The following RFTN2 variants were observed in gnomAD, a reference collection of about 807,000 sequenced individuals.
RFTN2 encodes raftlin family member 2.
RFTN2 carries 34 observed loss-of-function variants against 52.7 expected under a neutral mutation model. The observed-to-expected ratio is 0.64, with a 90% confidence interval of 0.49 to 0.86. The LOEUF (loss-of-function observed/expected upper bound fraction) is 0.86. RFTN2 is among the 40% of genes least tolerant of loss of function. The pLI, the probability that RFTN2 is intolerant of heterozygous loss-of-function variation, is 0.00. For synonymous variants in RFTN2, 203 were observed against 217.7 expected (o/e 0.93, Z 0.59); for missense variants, 536 against 600.1 (o/e 0.89, Z 1.12).
intron 1 of RFTN2, among the ~76,000 whole-genome samples, chr2:197,665,770 G>T (rs2089047699): frequency 6.8e-6 from 1 of 147,456 alleles, no homozygotes. Context: ...TACATTCAAG[G>T]TTATTACTGA....
rs548213229 is a variant in RFTN2, at chr2:197,657,520, C to G, written c.140-10854G>C. On this transcript the variant is annotated intron_variant, in intron 1 of 8. Transcript: ENST00000295049. ...AATTCCTCACTCTATAGGCACAGCT[C>G]TCCCCTTCTTCACATCTCTAAACTG... 3.9e-5 allele frequency among the ~76,000 whole-genome samples: 6 copies of G among 152,318 alleles called. No individual in the cohort carries two copies. The South Asian group carries it at 1.2e-3, about 32-fold the overall frequency.
chr2:197,649,327 C>T (rs984508185), intron 1 of RFTN2, among the ~76,000 whole-genome samples: 6 of 152,014 alleles, frequency 3.9e-5, no homozygotes, highest in African/African-American at 1.2e-4. Context: ...AAGGCTTCAC[C>T]ACATGTTCCT....
intron 8 of RFTN2, among the ~76,000 whole-genome samples, chr2:197,578,721 C>T (rs1430276148): frequency 5.3e-5 from 8 of 152,300 alleles, no homozygotes; most frequent in Admixed American, 2.6e-4. Flanking sequence ...GATTAAAAAG[C>T]TTTATTGCTC....
intron 8 of RFTN2, among the ~76,000 whole-genome samples, chr2:197,574,866 C>A (rs1384633123): frequency 6.4e-5 from 8 of 124,588 alleles, no homozygotes; most frequent in Non-Finnish European, 1.2e-4. Flanking sequence ...AAGACTCCAT[C>A]TCAAAAACAA....
In RFTN2 at chr2:197,646,660, G is replaced by A. The variant is rs968064680; in HGVS notation, c.146C>T (p.Ser49Leu). ...ATTTATCTTGATGACTTCTGGGTTTGATGAAGCTGAAATATCAAAAGCAAA... is the reference window on the plus strand; with the variant it reads ...ATTTATCTTGATGACTTCTGGGTTTAATGAAGCTGAAATATCAAAAGCAAA... ...VLLDFTLQAS[S>L]NPEVIKINSI... Residue 49 changes from serine to leucine, a missense_variant, in exon 2 of 9, where the codon TCA becomes TTA. Ser to Leu is a moderately radical substitution (Grantham distance 145). Coordinates refer to ENST00000295049, the MANE Select transcript of RFTN2 (RefSeq NM_144629.3). 1.2e-6 allele frequency: 2 copies of A among 1,608,742 alleles called. No homozygotes were observed. Among genetic ancestry groups the A allele is most frequent in the Non-Finnish European group, 1.7e-6 (2 of 1,176,642 alleles).
At chr2:197,629,676 A>ACACACACACACACC in intron 5 of RFTN2, among the ~76,000 whole-genome samples, 1 of 15,010 alleles carries the variant, frequency 6.7e-5, no homozygotes, top group East Asian at 7.3e-4. Flanking sequence ...TAATTTTTAT[A>ACACACACACACACC]CACACACACA....
chr2:197,588,006 ACT>A (rs2087629094), intron 8 of RFTN2: 2 of 470,732 alleles, frequency 4.2e-6, no homozygotes, highest in South Asian at 3.1e-5. Flanking sequence ...TTCTTTTCAC[ACT>A]GTCTTACCCA....
chr2:197,625,491 A>G (rs114265096), intron 5 of RFTN2, among the ~76,000 whole-genome samples: 1,927 of 152,222 alleles, frequency 0.013, 36 homozygotes, highest in African/African-American at 0.044. Context: ...TCTTTGAAGT[A>G]GAGGGCAGGC....
intron 1 of RFTN2, among the ~76,000 whole-genome samples, chr2:197,664,049 C>T (rs1230680545): frequency 6.6e-6 from 1 of 152,092 alleles, no homozygotes; most frequent in Non-Finnish European, 1.5e-5. Flanking sequence ...TCTTCATTAA[C>T]CCAATAGTCA....
intron 3 of RFTN2, among the ~76,000 whole-genome samples, chr2:197,641,503 G>T (rs553840317): frequency 6.6e-6 from 1 of 152,304 alleles, no homozygotes; most frequent in South Asian, 2.1e-4. Flanking sequence ...TAGTTGATTT[G>T]AGTGAAAAGA....
chr2:197,622,525 C>CG (rs897873252), intron 5 of RFTN2, among the ~76,000 whole-genome samples: 29 of 152,128 alleles, frequency 1.9e-4, no homozygotes, highest in Non-Finnish European at 7.3e-5. Context: ...AGGCTGATCT[C>CG]GAACTCCTGA....
At chr2:197,598,792 A>G (rs1175719920) in intron 7 of RFTN2, among the ~76,000 whole-genome samples, 3 of 152,158 alleles carry the variant, frequency 2.0e-5, no homozygotes, top group Non-Finnish European at 4.4e-5. Context: ...TGGACTTCTC[A>G]GGCCTTGGGG....
At chr2:197,597,260 C>A (rs1053465517) in intron 7 of RFTN2, among the ~76,000 whole-genome samples, 1 of 152,068 alleles carries the variant, frequency 6.6e-6, no homozygotes, top group African/African-American at 2.4e-5. Context: ...TCCATTTTGA[C>A]CTTATCTTTG....
intron 1 of RFTN2, 64 bp from the exon 2 acceptor site, chr2:197,646,730 C>T: frequency 7.8e-7 from 1 of 1,279,224 alleles, no homozygotes; most frequent in South Asian, 1.4e-5. Flanking sequence ...ATTATTTCTA[C>T]CTATGGGTGA....
chr2:197,586,290 G>A (rs1159743612), intron 8 of RFTN2, among the ~76,000 whole-genome samples: 1 of 152,068 alleles, frequency 6.6e-6, no homozygotes, highest in Non-Finnish European at 1.5e-5. Context: ...CACACACCAT[G>A]AAAATCGAAC....
At chr2:197,573,030 TAC>T (rs1264251033) in intron 8 of RFTN2, among the ~76,000 whole-genome samples, 4 of 150,204 alleles carry the variant, frequency 2.7e-5, no homozygotes, top group African/African-American at 9.8e-5. Flanking sequence ...CTTTGTAAAC[TAC>T]ACAGTCTCGG....
chr2:197,668,793 T>C (rs2089098586), intron 1 of RFTN2, among the ~76,000 whole-genome samples: 1 of 152,182 alleles, frequency 6.6e-6, no homozygotes, highest in South Asian at 2.1e-4. Context: ...CAGTATGCCC[T>C]TCCTCCCTGG....
In RFTN2 at chr2:197,639,999, G is replaced by T. The variant is rs185711810; in HGVS notation, c.438+4159C>A. Among the ~76,000 whole-genome samples the T allele has an allele frequency of 4.4e-3, 671 of 152,042 alleles. 2 individuals are homozygous for T. The highest frequency in any genetic ancestry group is 7.2e-3 in the Admixed American group (110 of 15,246). On this transcript the variant is annotated intron_variant, in intron 3 of 8. Transcript: ENST00000295049. Reference sequence around the variant, plus strand: ...TGCAGGTCTGTTGGAATACCCTGCCGTGTGAGATGTCAGTGTGCCCCTGCT... The same window carrying T: ...TGCAGGTCTGTTGGAATACCCTGCCTTGTGAGATGTCAGTGTGCCCCTGCT...
chr2:197,623,624 G>A (rs973630264), intron 5 of RFTN2, among the ~76,000 whole-genome samples: 47 of 152,038 alleles, frequency 3.1e-4, no homozygotes, highest in African/African-American at 1.0e-3. Context: ...GACCGCAGGC[G>A]TGCACCACCA....
Sources: gnomAD v4.1 joint callset for allele counts (sites outside exome capture counted in the v4.1 genomes callset) on GRCh38, gnomAD v4.1.1 for gene constraint, MANE v1.5 for transcripts, NCBI Gene and HGNC (gene_info 2026-07-23, HGNC 2026-07-21) for gene names.